DRAXIN: variants seen among roughly 807,000 people sequenced by gnomAD.
DRAXIN encodes the protein dorsal repulsive axon guidance protein.
A neutral mutation model predicts 33.9 loss-of-function variants in DRAXIN; 27 were observed. The observed-to-expected ratio is 0.80, with a 90% confidence interval of 0.59 to 1.10. DRAXIN has a LOEUF of 1.10. Among genes scored for constraint, DRAXIN ranks in the 50% least tolerant of loss-of-function variants. The pLI is 0.00. For missense variants in DRAXIN, 371 were observed against 460.8 expected, an observed-to-expected ratio of 0.81 and a Z score of 1.78; for synonymous variants, 178 against 194.0, an observed-to-expected ratio of 0.92 and a Z score of 0.69.
upstream of DRAXIN, chr1:11,691,467 G>GCCTTTGTCTGCCT (rs1641064459): frequency 6.6e-6 from 1 of 152,520 alleles, no homozygotes; most frequent in African/African-American, 2.4e-5. Flanking sequence ...GGCTGCGCCC[G>GCCTTTGTCTGCCT]CCTTTGTCTG....
rs141985528 is a variant in DRAXIN, at chr1:11,706,055, G to C, written c.-10-194G>C. ...TTGTCGGGCGTTTAGCAGCATCCACGGGCTCCAACCTCTACCTGCCAGTAG... is the reference window on the plus strand; with the variant it reads ...TTGTCGGGCGTTTAGCAGCATCCACCGGCTCCAACCTCTACCTGCCAGTAG... On this transcript the variant is annotated intron_variant, in intron 1 of 6. Transcript: ENST00000294485. The surrounding 1 kb of genome is among the most constrained non-coding windows in gnomAD (Gnocchi z 5.5). 2.6e-5 allele frequency among the ~76,000 whole-genome samples: 4 copies of C among 152,242 alleles called. No individual in the cohort carries two copies. In the East Asian group the frequency reaches 7.7e-4, roughly 29 times the overall value.
At chr1:11,712,813 C>T (rs1205924556) in intron 5 of DRAXIN, among the ~76,000 whole-genome samples, 2 of 151,880 alleles carry the variant, frequency 1.3e-5, no homozygotes, top group Non-Finnish European at 2.9e-5. Context: ...GCAGGAGAAT[C>T]AATCGCTTGA....
chr1:11,702,191 CAT>C (rs1217774197), intron 1 of DRAXIN, among the ~76,000 whole-genome samples: 5 of 151,272 alleles, frequency 3.3e-5, no homozygotes, highest in Non-Finnish European at 7.4e-5. Context: ...CATGCTCACA[CAT>C]ACACACATGC....
intron 1 of DRAXIN, among the ~76,000 whole-genome samples, chr1:11,701,714 C>G (rs1399782802): frequency 1.3e-5 from 2 of 152,188 alleles, no homozygotes; most frequent in South Asian, 4.2e-4. Flanking sequence ...CAACCCGGGC[C>G]GGGCAGAACC....
rs1641362543 is a variant in DRAXIN at position 11,705,359 on chromosome 1, C to G, written c.-10-890C>G. Among the ~76,000 whole-genome samples, 1 of 152,110 alleles carries G rather than the reference C, an allele frequency of 6.6e-6. No individual in the cohort carries two copies. The highest frequency in any genetic ancestry group is 1.5e-5 in the Non-Finnish European group (1 of 68,020). ...CACCATCCCCTGAGCTGCAGCTTCT[C>G]CCTCCAGTGTGGAGGGAGGGCACTG... On this transcript the variant is annotated intron_variant, in intron 1 of 6. Transcript: ENST00000294485. The surrounding 1 kb of genome is among the most constrained non-coding windows in gnomAD (Gnocchi z 4.8).
upstream of DRAXIN, among the ~76,000 whole-genome samples, chr1:11,691,248 C>G (rs1641058990): frequency 6.6e-6 from 1 of 152,068 alleles, no homozygotes; most frequent in South Asian, 2.1e-4. Flanking sequence ...CAGACGCGGC[C>G]GCAGCTGAGC....
intron 5 of DRAXIN, among the ~76,000 whole-genome samples, chr1:11,714,478 G>A (rs1468853374): frequency 6.6e-6 from 1 of 152,238 alleles, no homozygotes; most frequent in Non-Finnish European, 1.5e-5. Flanking sequence ...GCTGGAGGCC[G>A]CCAGCAAGTG....
At position 11,705,065 on chromosome 1, in the gene DRAXIN, C is replaced by T. The variant is rs1482419753; in HGVS notation, c.-10-1184C>T. On this transcript the variant is annotated intron_variant, in intron 1 of 6. Transcript: ENST00000294485. The surrounding 1 kb of genome is among the most constrained non-coding windows in gnomAD (Gnocchi z 4.8). The stretch of plus-strand genomic sequence containing the variant: ...CCAGCATGGGGGCCGCAGGGAGAGG[C>T]GCCGGGAAGCAGGGAAACATCACAG... 6.6e-6 allele frequency among the ~76,000 whole-genome samples: 1 copy of T among 152,196 alleles called. No homozygotes were observed. Among genetic ancestry groups the T allele is most frequent in the Non-Finnish European group, 1.5e-5 (1 of 68,030 alleles).
At position 11,694,131 on chromosome 1, in the gene DRAXIN, A is replaced by C. The variant is rs761982296; in HGVS notation, c.-11+2278A>C. On this transcript the variant is annotated intron_variant, in intron 1 of 6. Coordinates refer to ENST00000294485, the MANE Select transcript of DRAXIN (RefSeq NM_198545.4). This position sits in a 1 kb window ranked among gnomAD's most constrained non-coding sequence, Gnocchi z 4.9. ...CCCTAGCTCTTGTGAACTGCACGGC[A>C]TAATCCCTATCTGGGAGGGGTCTGC... Among the ~76,000 whole-genome samples the C allele has an allele frequency of 2.6e-5, 4 of 152,138 alleles. No homozygotes were observed. Among genetic ancestry groups the C allele is most frequent in the Non-Finnish European group, 5.9e-5 (4 of 68,028 alleles).
chr1:11,719,061 CG>C (rs549338713), intron 6 of DRAXIN, among the ~76,000 whole-genome samples: 1 of 152,000 alleles, frequency 6.6e-6, no homozygotes, highest in Non-Finnish European at 1.5e-5. Flanking sequence ...CCACCATGCC[CG>C]GGTAGTTTTT....
At chr1:11,700,324 T>C (rs2100732284) in intron 1 of DRAXIN, among the ~76,000 whole-genome samples, 1 of 152,378 alleles carries the variant, frequency 6.6e-6, no homozygotes, top group African/African-American at 2.4e-5. Context: ...TCAGTTACAC[T>C]CATGGATGTG....
At chr1:11,714,332 C>T (rs1471271262) in intron 5 of DRAXIN, among the ~76,000 whole-genome samples, 1 of 152,202 alleles carries the variant, frequency 6.6e-6, no homozygotes, top group Non-Finnish European at 1.5e-5. Flanking sequence ...GATGGGCGCT[C>T]CAGTACAGAG....
rs777430450 is a variant in DRAXIN at position 11,709,266 on chromosome 1, G to C, written c.452-9G>C. On this transcript the variant is annotated splice_polypyrimidine_tract_variant and intron_variant, in intron 2 of 6. Coordinates refer to ENST00000294485, the MANE Select transcript of DRAXIN (RefSeq NM_198545.4). ...ATATAGCCCCCGTGCTCCCCACCCT[G>C]TGTCTCAGGCCGAGCCTTGGTCCGA... is the stretch of plus-strand genomic sequence containing the variant. 6.2e-7 allele frequency: 1 copy of C among 1,605,442 alleles called. No individual in the cohort carries two copies. The highest frequency in any genetic ancestry group is 8.5e-7 in the Non-Finnish European group (1 of 1,175,248).
chr1:11,691,657 C>G (rs1641070477), upstream of DRAXIN: 1 of 149,290 alleles, frequency 6.7e-6, no homozygotes, highest in Admixed American at 6.6e-5. Context: ...CCTCTGTCCC[C>G]TCCCCGCGCT....
Position 11,724,139 on chromosome 1 carries a change from G to C in DRAXIN, c.*4443G>C, listed in dbSNP as rs1570325819. The C allele has an allele frequency of 6.6e-6, 1 of 152,276 alleles. No individual in the cohort carries two copies. Among genetic ancestry groups the C allele is most frequent in the African/African-American group, 2.4e-5 (1 of 41,474 alleles). 9.4% of individuals were successfully genotyped at this position (152,276 alleles called of 1,614,324 possible). On this transcript the variant is annotated 3_prime_UTR_variant, in exon 7 of 7. Transcript: ENST00000294485. Reference sequence around the variant, plus strand: ...AGGGTACGGTTCCATGGTCAGAGAGGTTTGGAAAACTGTTCTGGCCTCAGC... The same window carrying C: ...AGGGTACGGTTCCATGGTCAGAGAGCTTTGGAAAACTGTTCTGGCCTCAGC...
At chr1:11,688,024 A>G (rs762245085), upstream of DRAXIN, among the ~76,000 whole-genome samples, 1 of 152,174 alleles carries the variant, frequency 6.6e-6, no homozygotes, top group Non-Finnish European at 1.5e-5. The surrounding 1 kb of genome is among the most constrained non-coding windows in gnomAD (Gnocchi z 4.6). Context: ...CTCCAAGCAC[A>G]TCGGAAGATC....
Position 11,696,288 on chromosome 1 carries a change from T to C in DRAXIN, c.-11+4435T>C, listed in dbSNP as rs1414431198. 6.6e-6 allele frequency among the ~76,000 whole-genome samples: 1 copy of C among 152,200 alleles called. No homozygotes were observed. The highest frequency in any genetic ancestry group is 1.5e-5 in the Non-Finnish European group (1 of 68,032). On this transcript the variant is annotated intron_variant, in intron 1 of 6. Coordinates refer to ENST00000294485, the MANE Select transcript of DRAXIN (RefSeq NM_198545.4). This position sits in a 1 kb window ranked among gnomAD's most constrained non-coding sequence, Gnocchi z 4.7. Reference sequence around the variant, plus strand: ...TCACCCTTCTGTGTCCCATTTACTTTATAAACATTTACTCCCCAGCCGGGT... The same window carrying C: ...TCACCCTTCTGTGTCCCATTTACTTCATAAACATTTACTCCCCAGCCGGGT...
chr1:11,703,923 T>C (rs929546959), intron 1 of DRAXIN, among the ~76,000 whole-genome samples: 1 of 151,730 alleles, frequency 6.6e-6, no homozygotes, highest in Non-Finnish European at 1.5e-5. Context: ...GGTGTTGGAG[T>C]GGGGCAGGAG....
chr1:11,712,994 T>C (rs974239573), intron 5 of DRAXIN, among the ~76,000 whole-genome samples: 7 of 151,688 alleles, frequency 4.6e-5, no homozygotes, highest in African/African-American at 1.5e-4. Context: ...GGTCAGGAGT[T>C]TGAGACCAGC....
Sources: gnomAD v4.1 joint callset for allele counts (sites outside exome capture counted in the v4.1 genomes callset) on GRCh38, gnomAD v4.1.1 for gene constraint, Gnocchi (gnomAD v3.1) non-coding constraint, MANE v1.5 for transcripts, NCBI Gene and HGNC (gene_info 2026-07-23, HGNC 2026-07-21) for gene names.